The following RANBP2 variants were observed in gnomAD, a reference collection of about 807,000 sequenced individuals.
RANBP2 encodes RAN binding protein 2.
A neutral mutation model predicts 303.6 loss-of-function variants in RANBP2; 57 were observed. The ratio of observed to expected loss-of-function variants is 0.19; its 90% confidence interval spans 0.15 to 0.23. RANBP2 has a LOEUF of 0.23. Among genes scored for constraint, RANBP2 ranks in the 10% least tolerant of loss-of-function variants. The pLI is 1.00. For missense variants in RANBP2, 3,138 were observed against 3,780.8 expected, an observed-to-expected ratio of 0.83 and a Z score of 4.46; for synonymous variants, 1,167 against 1,301.5, an observed-to-expected ratio of 0.90 and a Z score of 2.23.
chr2:109,617,979 C>T, the RANBP2 span: 1 of 158,720 alleles, frequency 6.3e-6, no homozygotes, highest in Non-Finnish European at 1.5e-5. Context: ...AAGATCACGA[C>T]ACTGCACTCC....
chr2:109,359,338 T>G, the RANBP2 span, among the ~76,000 whole-genome samples: 1 of 152,250 alleles, frequency 6.6e-6, no homozygotes, highest in Non-Finnish European at 1.5e-5. Context: ...TGAGATTGTG[T>G]TAAATCTATA....
At chr2:109,409,890 A>C in the RANBP2 span, among the ~76,000 whole-genome samples, 3 of 152,104 alleles carry the variant, frequency 2.0e-5, no homozygotes, top group African/African-American at 7.2e-5. Flanking sequence ...TGCCCATTTC[A>C]CTGCTCCTTG....
the RANBP2 span, among the ~76,000 whole-genome samples, chr2:109,082,118 C>T: frequency 6.6e-6 from 1 of 152,170 alleles, no homozygotes; most frequent in African/African-American, 2.4e-5. Context: ...AATCCATTCC[C>T]ATATGGGCTA....
chr2:109,060,266 C>T, the RANBP2 span, among the ~76,000 whole-genome samples: 1 of 152,140 alleles, frequency 6.6e-6, no homozygotes, highest in South Asian at 2.1e-4. Flanking sequence ...GAAAGTGCAG[C>T]AACATAAGGA....
At chr2:108,986,830 G>A in the RANBP2 span, among the ~76,000 whole-genome samples, 13 of 152,152 alleles carry the variant, frequency 8.5e-5, no homozygotes, top group African/African-American at 1.2e-4. Flanking sequence ...GGACAGAATC[G>A]TAGGCATTGA....
the RANBP2 span, among the ~76,000 whole-genome samples, chr2:108,931,787 C>A: frequency 6.6e-6 from 1 of 151,950 alleles, no homozygotes; most frequent in Non-Finnish European, 1.5e-5. Context: ...TGACTCAAAG[C>A]AATTTTACTT....
At chr2:109,207,807 C>T in the RANBP2 span, among the ~76,000 whole-genome samples, 4 of 152,098 alleles carry the variant, frequency 2.6e-5, no homozygotes, top group African/African-American at 9.7e-5. Context: ...GTTTAAATGG[C>T]ACAATTTTCT....
chr2:108,803,462 A>T, the RANBP2 span, among the ~76,000 whole-genome samples: 3 of 152,198 alleles, frequency 2.0e-5, no homozygotes, highest in Non-Finnish European at 2.9e-5. Flanking sequence ...ATTGTTTTAG[A>T]GACAGAGTCT....
the RANBP2 span, among the ~76,000 whole-genome samples, chr2:109,498,428 G>C: frequency 5.3e-5 from 8 of 152,282 alleles, no homozygotes; most frequent in East Asian, 1.5e-3. Context: ...CACTCCATAG[G>C]ACTGGGCCTT....
At chr2:109,324,169 C>T in the RANBP2 span, among the ~76,000 whole-genome samples, 1 of 152,266 alleles carries the variant, frequency 6.6e-6, no homozygotes, top group East Asian at 1.9e-4. Context: ...AATAATAATC[C>T]ATTGTGTGGC....
At chr2:109,126,035 G>A in the RANBP2 span, among the ~76,000 whole-genome samples, 4 of 152,234 alleles carry the variant, frequency 2.6e-5, no homozygotes, top group South Asian at 6.2e-4. Flanking sequence ...TCTCTTGAAA[G>A]GTATGAAGGT....
chr2:109,293,024 A>G, the RANBP2 span, among the ~76,000 whole-genome samples: 1,213 of 152,216 alleles, frequency 8.0e-3, 12 homozygotes, highest in East Asian at 0.038. Context: ...GAGGCACCGC[A>G]CCCCAATTTG....
the RANBP2 span, among the ~76,000 whole-genome samples, chr2:108,820,391 G>A: frequency 1.3e-5 from 2 of 152,030 alleles, no homozygotes; most frequent in Non-Finnish European, 2.9e-5. Flanking sequence ...GAAGAGAGAA[G>A]GAGAAGGAGG....
chr2:109,492,241 A>G, the RANBP2 span, among the ~76,000 whole-genome samples: 8 of 152,128 alleles, frequency 5.3e-5, no homozygotes, highest in Non-Finnish European at 1.2e-4. Flanking sequence ...AACCATTTCA[A>G]AATGTGACAA....
chr2:109,200,915 G>A, the RANBP2 span, among the ~76,000 whole-genome samples: 1 of 152,150 alleles, frequency 6.6e-6, no homozygotes. Context: ...TTGGGCCCTG[G>A]GTGCTGTTGG....
chr2:109,124,797 G>C, the RANBP2 span, among the ~76,000 whole-genome samples: 60 of 152,246 alleles, frequency 3.9e-4, no homozygotes, highest in Middle Eastern at 6.8e-3. Context: ...AAATGAGTAC[G>C]TTTAGGGTTG....
chr2:109,546,004 G>T, the RANBP2 span: 3 of 1,524,230 alleles, frequency 2.0e-6, no homozygotes, highest in South Asian at 2.7e-5. Flanking sequence ...AGGGCAATGT[G>T]ACAAGTGTGG....
chr2:108,773,958 A>G (rs1677695561), intron 23 of RANBP2, among the ~76,000 whole-genome samples: 1 of 152,174 alleles, frequency 6.6e-6, no homozygotes. Context: ...GGAATTCTTT[A>G]TGGATGTACA....
At chr2:109,443,722 C>G in the RANBP2 span, among the ~76,000 whole-genome samples, 1 of 152,046 alleles carries the variant, frequency 6.6e-6, no homozygotes, top group African/African-American at 2.4e-5. Flanking sequence ...TATTTATACA[C>G]CAAGTAACAG....
Sources: allele counts gnomAD v4.1 joint callset (sites outside exome capture counted in the v4.1 genomes callset), GRCh38; gene constraint gnomAD v4.1.1; transcripts MANE v1.5; gene names NCBI Gene and HGNC (gene_info 2026-07-23, HGNC 2026-07-21).